SLC38A2: variants seen among roughly 807,000 people sequenced by gnomAD.
SLC38A2 encodes the protein solute carrier family 38 member 2, also known as sodium-coupled neutral amino acid symporter 2.
SLC38A2 carries 11 observed loss-of-function variants against 61.5 expected under a neutral mutation model. The ratio of observed to expected loss-of-function variants is 0.18; its 90% CI spans 0.11 to 0.30. The LOEUF (loss-of-function observed/expected upper bound fraction) is 0.30, where lower values mean the gene tolerates loss of function less well. Among genes scored for constraint, SLC38A2 ranks in the 10% least tolerant of loss-of-function variants. The probability of loss-of-function intolerance (pLI) is 1.00; values close to 1 mark genes in which losing one functional copy is unlikely to be tolerated. For synonymous variants in SLC38A2, 217 were observed against 212.5 expected, an observed-to-expected ratio of 1.02 and a Z score of -0.18; for missense variants, 522 against 600.4, an observed-to-expected ratio of 0.87 and a Z score of 1.36.
Position 46,360,305 on chromosome 12 carries a change from A to C in SLC38A2, c.*806T>G. 6.6e-6 allele frequency: 1 copy of C among 152,550 alleles called. No individual in the cohort carries two copies. The highest frequency in any genetic ancestry group is 1.9e-4 in the East Asian group (1 of 5,208). 9.4% of individuals were successfully genotyped at this position (152,550 alleles called of 1,614,324 possible). On this transcript the variant is annotated 3_prime_UTR_variant, in exon 16 of 16. Transcript: ENST00000256689. ...AATAAGTTGAAGACACAAACATTTC[A>C]GTCTGAATGAACCAAATTGTTTGGG...
rs890849918 is a variant in SLC38A2, at chr12:46,362,722, G to A, written c.1180-84C>T. The A allele has an allele frequency of 2.2e-5, 31 of 1,380,486 alleles. No homozygotes were observed. In the African/African-American group the frequency reaches 4.6e-4, roughly 21 times the overall value. The allele number at this position is 1,380,486 out of a possible 1,614,324, so 85.5% of individuals were successfully genotyped here. A position where few individuals can be genotyped will look rare whatever the true frequency, so the allele number is the denominator to read the frequency against. On this transcript the variant is annotated intron_variant, in intron 13 of 15. Coordinates refer to ENST00000256689, the MANE Select transcript of SLC38A2 (RefSeq NM_018976.5). ...TCCAGCTTCAATGAATGAAAAGAAT[G>A]CCCAAGTAACAAGGAATCTATCCAA...
At chr12:46,364,617 T>A in intron 9 of SLC38A2, 27 bp downstream of exon 9, 9 of 1,595,842 alleles carry the variant, frequency 5.6e-6, no homozygotes, top group Non-Finnish European at 7.7e-6. Flanking sequence ...TATAAAAAAT[T>A]TTTTCTAAAA....
chr12:46,366,958 A>G lies in SLC38A2; in HGVS notation c.482-13T>C, dbSNP rs745534316. 1 of 1,612,534 alleles carries G rather than the reference A, an allele frequency of 6.2e-7. No homozygotes were observed. Among genetic ancestry groups the G allele is most frequent in the South Asian group, 1.1e-5 (1 of 90,790 alleles). ...TAGCTTGACATAGCTGGAGGAAAAC[A>G]AAATTATACCATTACAAGTGCAAAA... On this transcript the variant is annotated splice_polypyrimidine_tract_variant and intron_variant, in intron 6 of 15. Transcript: ENST00000256689.
intron 10 of SLC38A2, 61 bp downstream of exon 10, chr12:46,364,327 GA>G: frequency 2.0e-6 from 3 of 1,467,138 alleles, no homozygotes; most frequent in Non-Finnish European, 2.7e-6. Context: ...CCCTGGGAGT[GA>G]ATAGCTTCCC....
intron 1 of SLC38A2, chr12:46,371,768 G>T (rs1375325544): frequency 5.8e-6 from 1 of 173,600 alleles, no homozygotes; most frequent in African/African-American, 2.4e-5. Flanking sequence ...ATGCAACCTA[G>T]GCGCACGGCT....
intron 7 of SLC38A2, 139 bp downstream of exon 7, chr12:46,366,725 T>TGG: frequency 4.0e-6 from 3 of 747,442 alleles, no homozygotes; most frequent in Non-Finnish European, 6.3e-6. Context: ...TTTACGGGGA[T>TGG]GGGGGGCCTT....
chr12:46,370,766 T>G lies in SLC38A2; in HGVS notation c.198+10A>C. The G allele has an allele frequency of 6.2e-7, 1 of 1,605,378 alleles. No homozygotes were observed. The highest frequency in any genetic ancestry group is 8.5e-7 in the Non-Finnish European group (1 of 1,174,310). On this transcript the variant is annotated intron_variant, in intron 3 of 15. Transcript: ENST00000256689. ...AGCCACTGACAGACAAATTACTATTTTTAACTTACAAATTCTGTTTCATAC... is the reference window on the plus strand; with the variant it reads ...AGCCACTGACAGACAAATTACTATTGTTAACTTACAAATTCTGTTTCATAC...
At position 46,367,110 on chromosome 12, in the gene SLC38A2, T is replaced by G; in HGVS notation, c.447A>C (p.Ala149=). ...YKAFGLVGKL[A]ASGSITMQNI... Reference sequence around the variant, plus strand: ...TCTGCATTGTAATTGATCCAGATGCTGCAAGCTTTCCAACTAATCCAAATG... The same window carrying G: ...TCTGCATTGTAATTGATCCAGATGCGGCAAGCTTTCCAACTAATCCAAATG... Residue 149 remains alanine, a synonymous_variant, in exon 6 of 16, where the codon GCA becomes GCC. Coordinates refer to ENST00000256689, the MANE Select transcript of SLC38A2 (RefSeq NM_018976.5). The G allele has an allele frequency of 6.2e-7, 1 of 1,614,182 alleles. No individual in the cohort carries two copies. Among genetic ancestry groups the G allele is most frequent in the Non-Finnish European group, 8.5e-7 (1 of 1,180,014 alleles).
chr12:46,370,448 G>C (rs1592207509), intron 4 of SLC38A2, 64 bp downstream of exon 4: 2 of 1,249,362 alleles, frequency 1.6e-6, no homozygotes, highest in Non-Finnish European at 2.3e-6. Context: ...AGTTTCTGGA[G>C]CCAAAATATG....
At chr12:46,365,364 A>G in intron 7 of SLC38A2, 175 bp from the exon 8 acceptor site, 1 of 631,228 alleles carries the variant, frequency 1.6e-6, no homozygotes, top group Non-Finnish European at 2.8e-6. Flanking sequence ...TTTGTGTGCT[A>G]GATGAACATT....
chr12:46,364,578 T>A, intron 9 of SLC38A2, 22 bp from the exon 10 acceptor site: 3 of 1,596,660 alleles, frequency 1.9e-6, no homozygotes, highest in Non-Finnish European at 2.6e-6. Flanking sequence ...TTATTTTGCA[T>A]GTGTTAAACT....
At position 46,372,548 on chromosome 12, in the gene SLC38A2, T is replaced by G; in HGVS notation, c.-126A>C. The G allele has an allele frequency of 5.4e-6, 2 of 369,102 alleles. No individual in the cohort carries two copies. The highest frequency in any genetic ancestry group is 9.6e-6 in the Non-Finnish European group (2 of 207,700). The allele number at this position is 369,102 out of a possible 1,614,324, so 22.9% of individuals were successfully genotyped here. A position where few individuals can be genotyped will look rare whatever the true frequency, so the allele number is the denominator to read the frequency against. On this transcript the variant is annotated 5_prime_UTR_variant, in exon 1 of 16. Coordinates refer to ENST00000256689, the MANE Select transcript of SLC38A2 (RefSeq NM_018976.5). ...TTCTCACGCAGACGTCTTCAGTGGG[T>G]TTCTCTCAGTCAAATACAAATCATA...
At position 46,364,466 on chromosome 12, in the gene SLC38A2, C is replaced by A; in HGVS notation, c.796G>T (p.Ala266Ser). Residue 266 changes from alanine (A) to serine (S), a missense_variant, in exon 10 of 16, where the codon GCT becomes TCT. Ala to Ser is a moderately conservative substitution (Grantham distance 99). This residue lies in a region of SLC38A2 where 309 missense variants were observed against 343.9 expected (regional missense o/e 0.90). Transcript: ENST00000256689. ...TINTTLTQPT[A>S]LVPALSHNVT... Reference sequence around the variant, plus strand: ...TTATGTGACAAAGCAGGTACAAGAGCTGTTGGCTGTGTTAAGGTGGTGTTT... The same window carrying A: ...TTATGTGACAAAGCAGGTACAAGAGATGTTGGCTGTGTTAAGGTGGTGTTT... 1 of 1,612,978 alleles carries A rather than the reference C, an allele frequency of 6.2e-7. No individual in the cohort carries two copies. Among genetic ancestry groups the A allele is most frequent in the Non-Finnish European group, 8.5e-7 (1 of 1,179,446 alleles).
Position 46,364,422 on chromosome 12 carries a change from A to G in SLC38A2, c.840T>C (p.Ser280=). 1 of 1,601,244 alleles carries G rather than the reference A, an allele frequency of 6.2e-7. No homozygotes were observed. Among genetic ancestry groups the G allele is most frequent in the Non-Finnish European group, 8.5e-7 (1 of 1,176,340 alleles). ...ALSHNVTEND[S]CRPHYFIFNS... ...TGAAAATAAAATAGTGAGGTCTGCA[A>G]GAGTCATTTTCAGTCACGTTATGTG... Residue 280 remains serine (S), a synonymous_variant, in exon 10 of 16, where the codon TCT becomes TCC. Coordinates refer to ENST00000256689, the MANE Select transcript of SLC38A2 (RefSeq NM_018976.5).
intron 12 of SLC38A2, 97 bp downstream of exon 12, chr12:46,363,629 A>G: frequency 1.5e-6 from 1 of 677,256 alleles, no homozygotes; most frequent in Non-Finnish European, 2.5e-6. Flanking sequence ...GACTATTTTT[A>G]AAGTGATGGA....
Position 46,364,565 on chromosome 12 carries a change from A to T in SLC38A2, c.706-9T>A. 1 of 1,600,528 alleles carries T rather than the reference A, an allele frequency of 6.2e-7. No individual in the cohort carries two copies. On this transcript the variant is annotated splice_polypyrimidine_tract_variant and intron_variant, in intron 9 of 15. Transcript: ENST00000256689. The stretch of plus-strand genomic sequence containing the variant: ...AATTTCTTGCAAATGACCTAAAAAT[A>T]TATTATTTTGCATGTGTTAAACTAA...
At chr12:46,370,179 A>G (rs1943179933) in intron 4 of SLC38A2, among the ~76,000 whole-genome samples, 2 of 152,218 alleles carry the variant, frequency 1.3e-5, no homozygotes, top group Non-Finnish European at 2.9e-5. Flanking sequence ...TGATTTGCCA[A>G]AACAAAATTT....
chr12:46,370,356 G>A (rs1004021496), intron 4 of SLC38A2, among the ~76,000 whole-genome samples, 156 bp downstream of exon 4: 10 of 152,182 alleles, frequency 6.6e-5, no homozygotes, highest in African/African-American at 1.9e-4. Flanking sequence ...GTATGTAGTA[G>A]AATAAAGAGA....
chr12:46,363,678 GTTTT>G (rs537650286), intron 12 of SLC38A2, 44 bp downstream of exon 12: 60 of 1,209,834 alleles, frequency 5.0e-5, no homozygotes, highest in Admixed American at 1.3e-4. Context: ...TTCAATAAGC[GTTTT>G]TTTTTGTTTT....
Sources: gnomAD v4.1 joint callset for allele counts (sites outside exome capture counted in the v4.1 genomes callset) on GRCh38, gnomAD v4.1.1 for gene constraint, gnomAD v4.1.1 regional missense constraint, MANE v1.5 for transcripts, NCBI Gene and HGNC (gene_info 2026-07-23, HGNC 2026-07-21) for gene names.